The following CUX1 variants were observed in gnomAD, a reference collection of about 807,000 sequenced individuals.
CUX1 encodes the protein protein CASP.
Under a neutral mutation model 158.8 loss-of-function variants are expected in CUX1, and 31 were observed. The ratio of observed to expected loss-of-function variants is 0.20; its 90% confidence interval spans 0.15 to 0.26. The LOEUF (loss-of-function observed/expected upper bound fraction) is 0.26, where lower values mean the gene tolerates loss of function less well. Among genes scored for constraint, CUX1 ranks in the 10% least tolerant of loss-of-function variants. The pLI is 1.00. For missense variants in CUX1, 1,589 were observed against 2,014.6 expected, an observed-to-expected ratio of 0.79 and a Z score of 4.04; for synonymous variants, 879 against 862.1, an observed-to-expected ratio of 1.02 and a Z score of -0.34.
intron 1 of CUX1, among the ~76,000 whole-genome samples, chr7:101,856,359 G>A (rs1029505611): frequency 6.6e-6 from 1 of 151,970 alleles, no homozygotes; most frequent in African/African-American, 2.4e-5. Flanking sequence ...TCAGAGTTGC[G>A]TCTTCACCTA....
chr7:102,140,005 T>G (rs1257292262), intron 8 of CUX1, among the ~76,000 whole-genome samples: 1 of 152,114 alleles, frequency 6.6e-6, no homozygotes, highest in Non-Finnish European at 1.5e-5. Context: ...AAAAGTTGTT[T>G]TTTGTTTAGC....
intron 2 of CUX1, among the ~76,000 whole-genome samples, chr7:101,959,932 C>T (rs1810266777): frequency 6.6e-6 from 1 of 152,166 alleles, no homozygotes; most frequent in African/African-American, 2.4e-5. Flanking sequence ...TACCATTGTT[C>T]TCTTGAAAAG....
At chr7:102,106,086 T>C (rs1382666160) in intron 6 of CUX1, among the ~76,000 whole-genome samples, 4 of 123,452 alleles carry the variant, frequency 3.2e-5, no homozygotes, top group Non-Finnish European at 6.9e-5. Flanking sequence ...TTTCTTTTTT[T>C]TTTTTTTTTT....
At chr7:102,239,665 G>C in intron 23 of CUX1, 81 bp downstream of exon 23, 1 of 1,502,538 alleles carries the variant, frequency 6.7e-7, no homozygotes, top group South Asian at 1.3e-5. Flanking sequence ...TGGCGCACAG[G>C]GGTGAGGCTG....
At chr7:102,227,221 A>G (rs562278782) in intron 20 of CUX1, 146 bp from the exon 21 acceptor site, 40 of 701,878 alleles carry the variant, frequency 5.7e-5, no homozygotes, top group Non-Finnish European at 6.5e-5. Flanking sequence ...AAAAAATATG[A>G]AACAGTTCAC....
rs57839985 is a variant in CUX1 at position 102,216,630 on chromosome 7, C to CA, written c.3131-10737_3131-10736insA. On this transcript the variant is annotated intron_variant, in intron 20 of 23. Coordinates refer to ENST00000292535, the MANE Select transcript of CUX1 (RefSeq NM_181552.4). ...CACACACACACTCCCCACACACACA[C>CA]CCCCACACACGCACACACACACACT... is the stretch of plus-strand genomic sequence containing the variant. Among the ~76,000 whole-genome samples, 500 of 103,428 alleles carry CA rather than the reference C, an allele frequency of 4.8e-3. 8 individuals carry two copies. The highest frequency in any genetic ancestry group is 0.015 in the African/African-American group (430 of 28,298). 67.9% of individuals were successfully genotyped at this position (103,428 alleles called of 152,430 possible).
At chr7:101,919,932 G>A (rs1189679804) in intron 2 of CUX1, among the ~76,000 whole-genome samples, 1 of 152,046 alleles carries the variant, frequency 6.6e-6, no homozygotes, top group Non-Finnish European at 1.5e-5. Flanking sequence ...CTGGAGCCTT[G>A]AAGGGTTTTT....
chr7:101,959,874 A>C (rs1352168347), intron 2 of CUX1, among the ~76,000 whole-genome samples: 1 of 151,996 alleles, frequency 6.6e-6, no homozygotes, highest in Non-Finnish European at 1.5e-5. Flanking sequence ...TACATGTTTG[A>C]CTCTTTATAG....
chr7:102,211,034 G>A (rs1187850554), intron 20 of CUX1, among the ~76,000 whole-genome samples: 7 of 152,222 alleles, frequency 4.6e-5, no homozygotes, highest in African/African-American at 1.4e-4. Flanking sequence ...TCCTTGATAA[G>A]CAGTCAGTCG....
At chr7:101,888,833 A>T (rs1584891419) in intron 1 of CUX1, among the ~76,000 whole-genome samples, 1 of 151,938 alleles carries the variant, frequency 6.6e-6, no homozygotes, top group African/African-American at 2.4e-5. Context: ...CAAGTGATCC[A>T]CCTGCCTCGG....
intron 1 of CUX1, among the ~76,000 whole-genome samples, chr7:101,871,043 C>T (rs934233420): frequency 6.6e-6 from 1 of 152,182 alleles, no homozygotes; most frequent in Non-Finnish European, 1.5e-5. Flanking sequence ...GCGGACACCC[C>T]TGTTCCCTGT....
intron 2 of CUX1, among the ~76,000 whole-genome samples, chr7:101,955,760 T>C (rs1809690632): frequency 1.3e-5 from 2 of 152,150 alleles, no homozygotes; most frequent in African/African-American, 4.8e-5. Context: ...GAAGAGAACA[T>C]TGGCACCAAT....
chr7:102,150,032 C>T (rs1426262582), intron 8 of CUX1, among the ~76,000 whole-genome samples: 1 of 152,230 alleles, frequency 6.6e-6, no homozygotes, highest in Non-Finnish European at 1.5e-5. Flanking sequence ...CTTGATCAAA[C>T]CTAACTGGAG....
intron 7 of CUX1, among the ~76,000 whole-genome samples, chr7:102,113,476 G>A (rs1280256286): frequency 2.6e-5 from 4 of 151,988 alleles, no homozygotes; most frequent in Non-Finnish European, 5.9e-5. Context: ...AGCTGGTCTC[G>A]AACTCCTGAC....
At chr7:101,883,840 C>T (rs1319178940) in intron 1 of CUX1, among the ~76,000 whole-genome samples, 1 of 152,152 alleles carries the variant, frequency 6.6e-6, no homozygotes, top group African/African-American at 2.4e-5. Flanking sequence ...AAGTGATCCA[C>T]CGACCTCGAC....
Position 102,201,221 on chromosome 7 carries a change from A to G in CUX1, c.2063-139A>G. 7.8e-7 allele frequency: 1 copy of G among 1,278,430 alleles called. No homozygotes were observed. Among genetic ancestry groups the G allele is most frequent in the Non-Finnish European group, 1.1e-6 (1 of 927,754 alleles). 79.2% of individuals were successfully genotyped at this position (1,278,430 alleles called of 1,614,324 possible). A position where few individuals can be genotyped will look rare whatever the true frequency, so the allele number is the denominator to read the frequency against. On this transcript the variant is annotated intron_variant, in intron 17 of 23. Coordinates refer to ENST00000292535, the MANE Select transcript of CUX1 (RefSeq NM_181552.4). This position sits in a 1 kb window ranked among gnomAD's most constrained non-coding sequence, Gnocchi z 5.0. ...CAAGATGCCTGAATGTTTCACTGAC[A>G]GGGGCCATGCTGGGGAAATACACAG...
intron 14 of CUX1, among the ~76,000 whole-genome samples, chr7:102,264,453 G>A (rs73187870): frequency 0.26 from 38,828 of 152,112 alleles, 5,492 homozygotes; most frequent in Non-Finnish European, 0.32. Context: ...CCGCAGCACC[G>A]TGACCAGGAG....
At chr7:102,276,018 A>AAC (rs1335134769) in intron 17 of CUX1, among the ~76,000 whole-genome samples, 1 of 151,578 alleles carries the variant, frequency 6.6e-6, no homozygotes, top group African/African-American at 2.4e-5. Context: ...TCTCAAAAAA[A>AAC]AAAAAAAATC....
intron 8 of CUX1, among the ~76,000 whole-genome samples, chr7:102,126,826 A>T (rs1162072084): frequency 1.3e-5 from 2 of 152,226 alleles, no homozygotes; most frequent in South Asian, 2.1e-4. Flanking sequence ...GTAATATATA[A>T]TGAAATAATT....
Sources: gnomAD v4.1 joint callset for allele counts (sites outside exome capture counted in the v4.1 genomes callset) on GRCh38, gnomAD v4.1.1 for gene constraint, Gnocchi (gnomAD v3.1) non-coding constraint, MANE v1.5 for transcripts, NCBI Gene and HGNC (gene_info 2026-07-23, HGNC 2026-07-21) for gene names.